RFC3: variants seen among roughly 807,000 people sequenced by gnomAD.
The protein encoded by RFC3 is A1 38 kDa subunit.
A neutral mutation model predicts 45.1 loss-of-function variants in RFC3; 41 were observed. The ratio of observed to expected loss-of-function variants is 0.91; its 90% CI spans 0.71 to 1.18. The LOEUF is 1.18. Among genes scored for constraint, RFC3 ranks in the 50% most tolerant of loss-of-function variants. The pLI is 0.00. For missense variants in RFC3, 423 were observed against 428.1 expected, an observed-to-expected ratio of 0.99 and a Z score of 0.10; for synonymous variants, 149 against 144.0, an observed-to-expected ratio of 1.03 and a Z score of -0.25.
chr13:33,888,145 G>GT (rs1030960100), intron 8 of RFC3, among the ~76,000 whole-genome samples: 4 of 152,124 alleles, frequency 2.6e-5, no homozygotes, highest in African/African-American at 9.7e-5. Context: ...CTTTAAAGTA[G>GT]TTTTTTCCAA....
At chr13:33,871,577 T>A (rs996926877) in intron 8 of RFC3, among the ~76,000 whole-genome samples, 1 of 152,184 alleles carries the variant, frequency 6.6e-6, no homozygotes, top group Admixed American at 6.5e-5. Flanking sequence ...TCTGCACAGT[T>A]CCTCTCATCA....
At chr13:33,844,491 C>T (rs985452888) in intron 8 of RFC3, among the ~76,000 whole-genome samples, 16 of 151,924 alleles carry the variant, frequency 1.1e-4, no homozygotes, top group South Asian at 1.0e-3. Flanking sequence ...TGCCTGCTTA[C>T]GTGATTTTCT....
chr13:33,915,391 T>A (rs900888646), intron 8 of RFC3, among the ~76,000 whole-genome samples: 8 of 152,126 alleles, frequency 5.3e-5, no homozygotes, highest in African/African-American at 1.7e-4. Context: ...CCTATTAAAC[T>A]CCAACCTTGT....
intron 8 of RFC3, among the ~76,000 whole-genome samples, chr13:33,874,663 A>C (rs1354659750): frequency 2.0e-5 from 3 of 152,116 alleles, no homozygotes; most frequent in Non-Finnish European, 4.4e-5. Flanking sequence ...TTCTCCTTCC[A>C]TCTGAGCTCT....
intron 7 of RFC3, among the ~76,000 whole-genome samples, chr13:33,831,589 A>C (rs994991752): frequency 1.0e-5 from 1 of 97,634 alleles, no homozygotes; most frequent in African/African-American, 7.6e-5. Context: ...TGATCATGTA[A>C]AAGTGGAATT....
the RFC3 span, among the ~76,000 whole-genome samples, chr13:33,977,248 T>A: frequency 3.9e-4 from 60 of 152,274 alleles, no homozygotes; most frequent in East Asian, 0.011. Flanking sequence ...GTTCATTAAC[T>A]GCGGTCTATC....
At chr13:33,854,800 C>A (rs1013875002) in intron 8 of RFC3, among the ~76,000 whole-genome samples, 2 of 152,098 alleles carry the variant, frequency 1.3e-5, no homozygotes, top group Non-Finnish European at 2.9e-5. Context: ...TGGGGACTGG[C>A]TGCTGCTATT....
chr13:33,851,438 T>A (rs2082276013), intron 8 of RFC3, among the ~76,000 whole-genome samples: 2 of 152,184 alleles, frequency 1.3e-5, no homozygotes, highest in Non-Finnish European at 2.9e-5. Flanking sequence ...GTCGTGTATA[T>A]TACATTCTTA....
At chr13:33,920,154 A>G (rs1250688171) in intron 8 of RFC3, among the ~76,000 whole-genome samples, 1 of 152,082 alleles carries the variant, frequency 6.6e-6, no homozygotes, top group African/African-American at 2.4e-5. Flanking sequence ...ACCTCAATAA[A>G]TTTTTAGCAT....
chr13:33,824,647 G>A (rs776836903), intron 3 of RFC3, among the ~76,000 whole-genome samples: 5 of 152,068 alleles, frequency 3.3e-5, no homozygotes, highest in Non-Finnish European at 7.4e-5. Context: ...TGACATAGAG[G>A]CAAGAGTGAA....
chr13:33,934,262 G>A (rs1467391767), intron 8 of RFC3, among the ~76,000 whole-genome samples: 2 of 152,088 alleles, frequency 1.3e-5, no homozygotes, highest in Non-Finnish European at 2.9e-5. Context: ...GATTCTTGGA[G>A]GTTGAGTCTG....
intron 8 of RFC3, among the ~76,000 whole-genome samples, chr13:33,863,527 T>C (rs1282645027): frequency 6.6e-6 from 1 of 152,210 alleles, no homozygotes; most frequent in African/African-American, 2.4e-5. Flanking sequence ...AGCTGAGCCA[T>C]TCTCATTCCC....
chr13:33,911,043 G>C (rs1031894165), intron 8 of RFC3, among the ~76,000 whole-genome samples: 1 of 152,086 alleles, frequency 6.6e-6, no homozygotes, highest in Admixed American at 6.6e-5. Context: ...ATGAGATTTA[G>C]GTGGGGACAC....
chr13:33,897,912 A>G (rs2082612163), intron 8 of RFC3, among the ~76,000 whole-genome samples: 1 of 152,030 alleles, frequency 6.6e-6, no homozygotes, highest in African/African-American at 2.4e-5. Flanking sequence ...TCCCAAGTAT[A>G]TATAAAAACA....
intron 8 of RFC3, among the ~76,000 whole-genome samples, chr13:33,951,379 A>G (rs1460876408): frequency 1.3e-5 from 2 of 151,664 alleles, no homozygotes; most frequent in Non-Finnish European, 1.5e-5. Context: ...ATACAGGTGC[A>G]TGCCACCACG....
intron 3 of RFC3, among the ~76,000 whole-genome samples, 183 bp downstream of exon 3, chr13:33,824,167 C>T (rs530963409): frequency 1.4e-4 from 22 of 152,030 alleles, no homozygotes; most frequent in Non-Finnish European, 2.4e-4. Context: ...CCTGTTTTGC[C>T]TTCTGTGTCA....
chr13:33,931,099 T>C (rs529265158), intron 8 of RFC3, among the ~76,000 whole-genome samples: 26 of 152,270 alleles, frequency 1.7e-4, no homozygotes, highest in African/African-American at 6.0e-4. Flanking sequence ...CTTTGATTTA[T>C]GGATCCTGGA....
At position 33,830,036 on chromosome 13, in the gene RFC3, T is replaced by C. The variant is rs954055970; in HGVS notation, c.573+19T>C. On this transcript the variant is annotated intron_variant, in intron 5 of 8. Transcript: ENST00000380071. Reference sequence around the variant, plus strand: ...TGAAGATGTAGGTCAAGTTACACTTTTCTGAAAAATAAATCAGTTCAGATT... The same window carrying C: ...TGAAGATGTAGGTCAAGTTACACTTCTCTGAAAAATAAATCAGTTCAGATT... The C allele has an allele frequency of 6.2e-7, 1 of 1,604,504 alleles. No homozygotes were observed. Among genetic ancestry groups the C allele is most frequent in the African/African-American group, 1.3e-5 (1 of 74,628 alleles).
intron 8 of RFC3, among the ~76,000 whole-genome samples, chr13:33,881,781 C>T: frequency 6.6e-6 from 1 of 152,164 alleles, no homozygotes; most frequent in East Asian, 1.9e-4. Flanking sequence ...TTTGTACTTT[C>T]TTTCCTTGCT....
Sources: allele counts gnomAD v4.1 joint callset (sites outside exome capture counted in the v4.1 genomes callset), GRCh38; gene constraint gnomAD v4.1.1; transcripts MANE v1.5; gene names NCBI Gene and HGNC (gene_info 2026-07-23, HGNC 2026-07-21).